CPT1A: variants seen among roughly 807,000 people sequenced by gnomAD.
CPT1A encodes carnitine palmitoyltransferase 1A, also known as carnitine O-palmitoyltransferase 1, liver isoform.
A neutral mutation model predicts 100.8 loss-of-function variants in CPT1A; 64 were observed. The ratio of observed to expected loss-of-function variants is 0.63; its 90% confidence interval spans 0.52 to 0.78. CPT1A has a LOEUF of 0.78. Ranked by LOEUF, CPT1A falls within the 30% of genes least tolerant of loss-of-function variation. The probability of loss-of-function intolerance (pLI) is 0.00; values close to 1 mark genes in which losing one functional copy is unlikely to be tolerated. For missense variants in CPT1A, 802 were observed against 1,034.1 expected, an observed-to-expected ratio of 0.78 and a Z score of 3.08; for synonymous variants, 363 against 396.0, an observed-to-expected ratio of 0.92 and a Z score of 0.99.
At chr11:68,760,006 A>C (rs1946772676) in intron 17 of CPT1A, among the ~76,000 whole-genome samples, 1 of 152,068 alleles carries the variant, frequency 6.6e-6, no homozygotes, top group South Asian at 2.1e-4. Context: ...TGCTTACTGC[A>C]CTCCAGCCTG....
At chr11:68,810,921 G>A (rs1329595194) in intron 3 of CPT1A, among the ~76,000 whole-genome samples, 1 of 151,858 alleles carries the variant, frequency 6.6e-6, no homozygotes, top group Non-Finnish European at 1.5e-5. Context: ...GGAGGCGGAG[G>A]TTGCAGTGAG....
intron 8 of CPT1A, among the ~76,000 whole-genome samples, chr11:68,794,444 C>CATAA (rs1855702279): frequency 6.6e-6 from 1 of 151,970 alleles, no homozygotes; most frequent in African/African-American, 2.4e-5. Flanking sequence ...GAGTTTTGCT[C>CATAA]TTATAACCCA....
At chr11:68,806,908 C>T (rs1012730795) in intron 4 of CPT1A, among the ~76,000 whole-genome samples, 10 of 151,676 alleles carry the variant, frequency 6.6e-5, no homozygotes, top group Admixed American at 6.6e-5. Context: ...CCAGTCTGGG[C>T]AACAAGAGTG....
At position 68,799,300 on chromosome 11, in the gene CPT1A, G is replaced by A. The variant is rs756322921; in HGVS notation, c.611C>T (p.Ala204Val). Reference protein sequence around the residue: ...MKEEDFKRMTALAQDFAVGLG... With the variant: ...MKEEDFKRMTVLAQDFAVGLG... ...ACCGACAGCAAAATCTTGAGCAAGTGCTGTCATCCGTTTGAAGTCTTCTTC... is the reference window on the plus strand; with the variant it reads ...ACCGACAGCAAAATCTTGAGCAAGTACTGTCATCCGTTTGAAGTCTTCTTC... Residue 204 changes from alanine (A) to valine (V), a missense_variant, in exon 6 of 19, where the codon GCA becomes GTA. Physicochemically the swap from Ala to Val is moderately conservative, Grantham distance 64. Coordinates refer to ENST00000265641, the MANE Select transcript of CPT1A (RefSeq NM_001876.4). The A allele has an allele frequency of 1.2e-6, 2 of 1,613,954 alleles. No homozygotes were observed. Among genetic ancestry groups the A allele is most frequent in the Non-Finnish European group, 1.7e-6 (2 of 1,179,902 alleles).
upstream of CPT1A, among the ~76,000 whole-genome samples, chr11:68,843,842 C>T (rs572155064): frequency 6.6e-6 from 1 of 152,322 alleles, no homozygotes; most frequent in African/African-American, 2.4e-5. This position sits in a 1 kb window ranked among gnomAD's most constrained non-coding sequence, Gnocchi z 4.0. Context: ...TGAGGCTCTC[C>T]TTGCACGTGG....
intron 1 of CPT1A, among the ~76,000 whole-genome samples, chr11:68,826,009 C>T (rs1180944591): frequency 1.3e-5 from 2 of 152,184 alleles, no homozygotes; most frequent in Non-Finnish European, 2.9e-5. Context: ...TCTCTAAAAC[C>T]GAGGAACTCA....
chr11:68,760,291 C>T lies in CPT1A; in HGVS notation c.2076G>A (p.Gln692=), dbSNP rs1192514201. 8 of 1,612,974 alleles carry T rather than the reference C, an allele frequency of 5.0e-6. No individual in the cohort carries two copies. The highest frequency in any genetic ancestry group is 3.3e-5 in the Admixed American group (2 of 59,890). Residue 692 remains glutamine (Q), a synonymous_variant, in exon 17 of 19, where the codon CAG becomes CAA. Coordinates refer to ENST00000265641, the MANE Select transcript of CPT1A (RefSeq NM_001876.4). ...TCTCCAAGTCAAACAGCTCCACTTG[C>T]TGCTGAGGGGTCTGGCTTGTTGATA... ...WRLSTSQTPQ[Q]QVELFDLENN... is the part of the protein sequence containing the mutation.
chr11:68,817,609 G>A (rs1302793860), intron 1 of CPT1A, among the ~76,000 whole-genome samples: 1 of 151,980 alleles, frequency 6.6e-6, no homozygotes, highest in African/African-American at 2.4e-5. Context: ...AGAGCTGGAG[G>A]CAGGAAGGGC....
At chr11:68,788,630 T>TA in intron 9 of CPT1A, among the ~76,000 whole-genome samples, 3,051 of 27,570 alleles carry the variant, frequency 0.11, 296 homozygotes, top group South Asian at 0.16. Context: ...CAAACAAAAG[T>TA]AAAAAAAAAA....
At chr11:68,799,164 T>C (rs1594349462) in intron 6 of CPT1A, 54 bp downstream of exon 6, 1 of 1,483,784 alleles carries the variant, frequency 6.7e-7, no homozygotes, top group Non-Finnish European at 9.2e-7. Context: ...CCCTCAAAAT[T>C]AGCGTCTTCA....
chr11:68,839,138 C>T (rs931746374), intron 1 of CPT1A, among the ~76,000 whole-genome samples: 1 of 152,204 alleles, frequency 6.6e-6, no homozygotes. Flanking sequence ...CCAATAATAA[C>T]CATGCAGAGT....
intron 8 of CPT1A, 99 bp downstream of exon 8, chr11:68,794,705 C>G (rs1443968044): frequency 6.5e-6 from 7 of 1,081,778 alleles, no homozygotes; most frequent in Middle Eastern, 2.0e-4. Flanking sequence ...GACCCTGTGC[C>G]CGGCCACAAA....
intron 9 of CPT1A, among the ~76,000 whole-genome samples, chr11:68,788,297 C>T (rs997111610): frequency 2.0e-5 from 3 of 151,882 alleles, no homozygotes; most frequent in African/African-American, 4.8e-5. Flanking sequence ...TTATTAAAAT[C>T]GCCTAAAAAA....
chr11:68,808,288 T>G (rs1856104496), intron 3 of CPT1A, among the ~76,000 whole-genome samples: 1 of 152,126 alleles, frequency 6.6e-6, no homozygotes. Context: ...ATATTCAACT[T>G]AAATACAGGA....
At chr11:68,786,392 T>C (rs1855463531) in intron 9 of CPT1A, among the ~76,000 whole-genome samples, 1 of 152,046 alleles carries the variant, frequency 6.6e-6, no homozygotes, top group Non-Finnish European at 1.5e-5. Flanking sequence ...ATAGGACAAG[T>C]GTCACAAAAG....
intron 15 of CPT1A, among the ~76,000 whole-genome samples, chr11:68,762,423 T>C (rs1307867278): frequency 6.6e-6 from 1 of 152,246 alleles, no homozygotes; most frequent in Non-Finnish European, 1.5e-5. Flanking sequence ...AACATGCGTC[T>C]CTGTCCTTGT....
In CPT1A at chr11:68,755,925, C is replaced by G. The variant is rs1051421932; in HGVS notation, c.*1719G>C. 1.3e-5 allele frequency: 2 copies of G among 150,550 alleles called. No homozygotes were observed. Among genetic ancestry groups the G allele is most frequent in the Non-Finnish European group, 3.0e-5 (2 of 67,668 alleles). The allele number at this position is 150,550 out of a possible 1,614,324, so 9.3% of individuals were successfully genotyped here. On this transcript the variant is annotated 3_prime_UTR_variant, in exon 19 of 19. Coordinates refer to ENST00000265641, the MANE Select transcript of CPT1A (RefSeq NM_001876.4). ...GGTCAGGAGTTCGAGACCAGCCTGACCAATATGATGAAACCCCGTCTCTAC... is the reference window on the plus strand; with the variant it reads ...GGTCAGGAGTTCGAGACCAGCCTGAGCAATATGATGAAACCCCGTCTCTAC...
intron 9 of CPT1A, among the ~76,000 whole-genome samples, chr11:68,789,043 G>A (rs765844921): frequency 6.6e-6 from 1 of 152,064 alleles, no homozygotes. Flanking sequence ...AAAGAAAAGC[G>A]TTCACATACT....
chr11:68,766,255 A>G (rs1178259013), intron 14 of CPT1A, among the ~76,000 whole-genome samples: 3 of 151,898 alleles, frequency 2.0e-5, no homozygotes, highest in Admixed American at 6.6e-5. Flanking sequence ...AGGACCCCTG[A>G]GAAGGGGTCC....
Sources: gnomAD v4.1 joint callset for allele counts (sites outside exome capture counted in the v4.1 genomes callset) on GRCh38, gnomAD v4.1.1 for gene constraint, Gnocchi (gnomAD v3.1) non-coding constraint, MANE v1.5 for transcripts, NCBI Gene and HGNC (gene_info 2026-07-23, HGNC 2026-07-21) for gene names.